Variants in KIAA1549L observed in about 807,000 individuals in gnomAD.
KIAA1549L encodes the protein UPF0606 protein KIAA1549L.
KIAA1549L carries 88 observed loss-of-function variants against 160.7 expected under a neutral mutation model. That is an observed-to-expected ratio of 0.55 (90% confidence interval 0.46 to 0.65). The LOEUF is 0.65. Ranked by LOEUF, KIAA1549L falls within the 30% of genes least tolerant of loss-of-function variation. KIAA1549L has a pLI of 0.00. For missense variants in KIAA1549L, 2,258 were observed against 2,437.5 expected, an observed-to-expected ratio of 0.93 and a Z score of 1.55; for synonymous variants, 950 against 976.7, an observed-to-expected ratio of 0.97 and a Z score of 0.51.
intron 1 of KIAA1549L, among the ~76,000 whole-genome samples, chr11:33,388,619 C>G (rs187105517): frequency 4.6e-5 from 7 of 152,100 alleles, no homozygotes; most frequent in African/African-American, 1.7e-4. Flanking sequence ...CCCGTTAACA[C>G]TATATCATGA....
At chr11:33,500,738 T>C (rs1057167366) in intron 1 of KIAA1549L, among the ~76,000 whole-genome samples, 1 of 152,202 alleles carries the variant, frequency 6.6e-6, no homozygotes, top group African/African-American at 2.4e-5. Flanking sequence ...TCACTACATA[T>C]TGTATACAGG....
At chr11:33,386,202 G>C (rs1183452759) in intron 1 of KIAA1549L, among the ~76,000 whole-genome samples, 6 of 152,154 alleles carry the variant, frequency 3.9e-5, no homozygotes, top group Non-Finnish European at 8.8e-5. Flanking sequence ...TATGATGTTG[G>C]CTATAGTTTT....
At chr11:33,440,798 A>G (rs2447523) in intron 1 of KIAA1549L, among the ~76,000 whole-genome samples, 35,271 of 152,146 alleles carry the variant, frequency 0.23, 4,241 homozygotes, top group East Asian at 0.33. Flanking sequence ...AGGGCATGCT[A>G]GTTATAAGCT....
intron 16 of KIAA1549L, among the ~76,000 whole-genome samples, chr11:33,631,105 C>G (rs896178506): frequency 6.6e-6 from 1 of 152,232 alleles, no homozygotes; most frequent in African/African-American, 2.4e-5. Context: ...GTCTCCATTA[C>G]TCACCACTGC....
intron 14 of KIAA1549L, among the ~76,000 whole-genome samples, chr11:33,608,096 GC>G (rs1284906823): frequency 6.6e-6 from 1 of 152,124 alleles, no homozygotes; most frequent in Non-Finnish European, 1.5e-5. Flanking sequence ...ATAGCATTGT[GC>G]TTAAAAGAGT....
intron 1 of KIAA1549L, among the ~76,000 whole-genome samples, chr11:33,482,251 A>G (rs1185085248): frequency 6.6e-6 from 1 of 152,184 alleles, no homozygotes; most frequent in Non-Finnish European, 1.5e-5. Flanking sequence ...TTCTAGGACT[A>G]TAACCACGTC....
intron 19 of KIAA1549L, among the ~76,000 whole-genome samples, chr11:33,660,416 T>C (rs1210973712): frequency 6.6e-6 from 1 of 152,092 alleles, no homozygotes; most frequent in African/African-American, 2.4e-5. Context: ...ATACAAAAAA[T>C]TAGCCAGGCA....
intron 1 of KIAA1549L, among the ~76,000 whole-genome samples, chr11:33,498,159 G>A (rs549413048): frequency 1.3e-5 from 2 of 152,306 alleles, no homozygotes; most frequent in Non-Finnish European, 2.9e-5. Context: ...GCTGGGCGTG[G>A]TGGCATGCAC....
At chr11:33,613,712 G>A (rs1463250256) in intron 15 of KIAA1549L, among the ~76,000 whole-genome samples, 1 of 151,990 alleles carries the variant, frequency 6.6e-6, no homozygotes, top group Admixed American at 6.6e-5. Context: ...ATGAGATATG[G>A]GTGGAGACAA....
chr11:33,441,140 A>C (rs1851494917), intron 1 of KIAA1549L, among the ~76,000 whole-genome samples: 2 of 140,644 alleles, frequency 1.4e-5, no homozygotes, highest in African/African-American at 5.4e-5. Flanking sequence ...CTCATTGTTC[A>C]GTTACCACCT....
chr11:33,651,859 CTCCCCT>C (rs1851900428), intron 17 of KIAA1549L, among the ~76,000 whole-genome samples: 3 of 39,734 alleles, frequency 7.6e-5, no homozygotes, highest in African/African-American at 2.2e-4. Context: ...TCCCATTCCC[CTCCCCT>C]CCCCTCCCCC....
chr11:33,614,379 G>A (rs1850724056), intron 15 of KIAA1549L, among the ~76,000 whole-genome samples: 1 of 150,192 alleles, frequency 6.7e-6, no homozygotes, highest in Admixed American at 6.7e-5. Context: ...CTGAGTCACT[G>A]TCTGTCTGCC....
At chr11:33,588,362 C>A (rs1216627750) in intron 11 of KIAA1549L, among the ~76,000 whole-genome samples, 1 of 152,136 alleles carries the variant, frequency 6.6e-6, no homozygotes, top group East Asian at 1.9e-4. Context: ...GCAGGTTCAG[C>A]TGGCATGTGA....
At chr11:33,599,525 A>C (rs886384028) in intron 13 of KIAA1549L, 1 of 152,158 alleles carries the variant, frequency 6.6e-6, no homozygotes, top group African/African-American at 2.4e-5. Context: ...AAAAGAAAAA[A>C]AAAGTTATAT....
At chr11:33,400,906 G>A (rs1185474110) in intron 1 of KIAA1549L, among the ~76,000 whole-genome samples, 1 of 152,130 alleles carries the variant, frequency 6.6e-6, no homozygotes, top group African/African-American at 2.4e-5. Context: ...TTAGAGAGGT[G>A]ATATAACTTG....
Position 33,403,551 on chromosome 11 carries a change from G to C in KIAA1549L, c.238+26662G>C, listed in dbSNP as rs905740036. 8.6e-3 allele frequency: 1,284 copies of C among 149,272 alleles called. 16 individuals carry two copies. The highest frequency in any genetic ancestry group is 0.012 in the Non-Finnish European group (822 of 67,416). 9.2% of individuals were successfully genotyped at this position (149,272 alleles called of 1,614,324 possible). On this transcript the variant is annotated intron_variant, in intron 1 of 20. Coordinates refer to ENST00000658780, the MANE Select transcript of KIAA1549L (RefSeq NM_012194.3). ...AGACACACACACGCACAGACACACA[G>C]ACACGCATGGACAGACATGCAGACA... is the stretch of plus-strand genomic sequence containing the variant.
intron 1 of KIAA1549L, among the ~76,000 whole-genome samples, chr11:33,435,788 A>ATGTGTGTGTGTGTGTG (rs1291028468): frequency 1.1e-4 from 3 of 26,518 alleles, no homozygotes; most frequent in East Asian, 3.4e-3. Flanking sequence ...ATATATATAT[A>ATGTGTGTGTGTGTGTG]TATATATATA....
intron 1 of KIAA1549L, among the ~76,000 whole-genome samples, chr11:33,521,510 A>G (rs770639289): frequency 9.2e-5 from 14 of 152,238 alleles, no homozygotes; most frequent in Non-Finnish European, 1.6e-4. Context: ...GACTGTAGGA[A>G]GTATTCAGGA....
rs143999812 is a variant in KIAA1549L at position 33,641,610 on chromosome 11, A to G, written c.5410-4076A>G. ...TATATATATATATATATATATATAT[A>G]TATATATATATATATATATATATAC... On this transcript the variant is annotated intron_variant, in intron 16 of 20. Transcript: ENST00000658780. 2.5e-3 allele frequency among the ~76,000 whole-genome samples: 103 copies of G among 40,990 alleles called. 4 individuals carry two copies. Among genetic ancestry groups the G allele is most frequent in the African/African-American group, 0.015 (96 of 6,244 alleles). 26.9% of individuals were successfully genotyped at this position (40,990 alleles called of 152,430 possible).
Sources: allele counts gnomAD v4.1 joint callset (sites outside exome capture counted in the v4.1 genomes callset), GRCh38; gene constraint gnomAD v4.1.1; transcripts MANE v1.5; gene names NCBI Gene and HGNC (gene_info 2026-07-23, HGNC 2026-07-21).